The following GPHN variants were observed in gnomAD, a reference collection of about 807,000 sequenced individuals.
GPHN encodes the protein gephyrin.
A neutral mutation model predicts 95.5 loss-of-function variants in GPHN; 17 were observed. That is an observed-to-expected ratio of 0.18 (90% confidence interval 0.12 to 0.27). GPHN has a LOEUF of 0.27. Among genes scored for constraint, GPHN ranks in the 10% least tolerant of loss-of-function variants. The pLI is 1.00. For synonymous variants in GPHN, 320 were observed against 322.5 expected (o/e 0.99, Z 0.08); for missense variants, 660 against 978.1 (o/e 0.67, Z 4.34).
chr14:66,570,159 A>G (rs2060624659), intron 1 of GPHN, among the ~76,000 whole-genome samples: 1 of 152,056 alleles, frequency 6.6e-6, no homozygotes, highest in South Asian at 2.1e-4. Flanking sequence ...TCCAATGTAT[A>G]TGTATATACC....
At chr14:67,089,125 C>CTTTTTTTATTTTTTTTT in intron 12 of GPHN, 50 bp downstream of exon 12, 2 of 326,492 alleles carry the variant, frequency 6.1e-6, no homozygotes, top group South Asian at 2.9e-5. Flanking sequence ...ATTTTTTTTT[C>CTTTTTTTATTTTTTTTT]TTTTTTTCTT....
chr14:67,666,852 A>G, the GPHN span, among the ~76,000 whole-genome samples: 2 of 152,220 alleles, frequency 1.3e-5, no homozygotes, highest in East Asian at 3.8e-4. Context: ...TATACTGTAT[A>G]CAACTGAGGG....
chr14:66,552,662 C>T (rs369866813), intron 1 of GPHN, among the ~76,000 whole-genome samples: 3 of 152,208 alleles, frequency 2.0e-5, no homozygotes, highest in Admixed American at 6.5e-5. Context: ...TTATTCCACC[C>T]TCATTTCTGA....
chr14:67,620,718 G>T, the GPHN span, among the ~76,000 whole-genome samples: 1 of 152,234 alleles, frequency 6.6e-6, no homozygotes, highest in African/African-American at 2.4e-5. Flanking sequence ...AGCCTCTCCC[G>T]TCTTGGCTTG....
rs148334810 is a variant in GPHN at position 66,975,384 on chromosome 14, G to A, written c.963+10059G>A. On this transcript the variant is annotated intron_variant, in intron 9 of 22. Coordinates refer to ENST00000478722, the MANE Select transcript of GPHN (RefSeq NM_020806.5). ...TTTCTATATTTTACATTGACAGCAG[G>A]AATAGATCATTTTTATGTCTTCATG... Among the ~76,000 whole-genome samples, 315 of 152,258 alleles carry A rather than the reference G, an allele frequency of 2.1e-3. 1 individual carries two copies. The highest frequency in any genetic ancestry group is 2.9e-3 in the Non-Finnish European group (197 of 68,018).
At chr14:66,653,675 G>T (rs1377894501) in intron 1 of GPHN, among the ~76,000 whole-genome samples, 1 of 152,110 alleles carries the variant, frequency 6.6e-6, no homozygotes, top group Non-Finnish European at 1.5e-5. Flanking sequence ...TATATAAGTG[G>T]AATCACACCA....
intron 4 of GPHN, among the ~76,000 whole-genome samples, chr14:66,876,020 A>G (rs1159795123): frequency 6.6e-6 from 1 of 152,200 alleles, no homozygotes; most frequent in African/African-American, 2.4e-5. Flanking sequence ...ATTCCTCAGC[A>G]AATGCAAAAG....
At chr14:66,943,832 T>C (rs1269392826) in intron 8 of GPHN, among the ~76,000 whole-genome samples, 2 of 152,172 alleles carry the variant, frequency 1.3e-5, no homozygotes, top group Non-Finnish European at 1.5e-5. Flanking sequence ...GATTATTGGA[T>C]ATAGCCCTTT....
At chr14:67,176,041 C>G (rs569133854) in intron 21 of GPHN, among the ~76,000 whole-genome samples, 30 of 152,158 alleles carry the variant, frequency 2.0e-4, no homozygotes, top group Non-Finnish European at 3.1e-4. Context: ...ATTTGACTTC[C>G]TCTTTTCCTA....
chr14:67,564,092 G>A, the GPHN span, among the ~76,000 whole-genome samples: 1 of 151,656 alleles, frequency 6.6e-6, no homozygotes, highest in Non-Finnish European at 1.5e-5. Flanking sequence ...TAGTAGAGAC[G>A]GGGTTTCACC....
intron 9 of GPHN, among the ~76,000 whole-genome samples, chr14:67,002,309 C>CTTTTTTTTTTT (rs1177817698): frequency 1.1e-3 from 64 of 58,744 alleles, no homozygotes; most frequent in African/African-American, 1.2e-3. Context: ...CTTTGTGTTG[C>CTTTTTTTTTTT]TTTTTTTTTT....
intron 2 of GPHN, among the ~76,000 whole-genome samples, chr14:66,691,933 A>G (rs1234841205): frequency 2.6e-5 from 4 of 152,224 alleles, no homozygotes; most frequent in African/African-American, 9.6e-5. Context: ...TCCAAAAAAG[A>G]TAATAAAAGC....
the GPHN span, among the ~76,000 whole-genome samples, chr14:67,534,131 A>G: frequency 3.9e-5 from 6 of 152,224 alleles, no homozygotes; most frequent in African/African-American, 2.4e-5. Context: ...GAGAATTATC[A>G]GTTCCTTCAT....
the GPHN span, among the ~76,000 whole-genome samples, chr14:67,479,941 T>C: frequency 6.6e-6 from 1 of 152,154 alleles, no homozygotes; most frequent in Non-Finnish European, 1.5e-5. Flanking sequence ...CAGATGATCC[T>C]AACTGCCTGG....
chr14:67,579,136 G>C, the GPHN span: 26 of 1,602,824 alleles, frequency 1.6e-5, no homozygotes, highest in Non-Finnish European at 2.1e-5. Context: ...CTTTTTAGAA[G>C]TGAAACTGGC....
intron 12 of GPHN, among the ~76,000 whole-genome samples, chr14:67,097,051 G>A (rs1012790163): frequency 6.6e-5 from 10 of 152,056 alleles, no homozygotes; most frequent in Non-Finnish European, 1.3e-4. Context: ...ACATTCATTC[G>A]TCTGCCAACC....
At chr14:67,596,951 TC>T in the GPHN span, among the ~76,000 whole-genome samples, 2 of 152,256 alleles carry the variant, frequency 1.3e-5, no homozygotes, top group Admixed American at 6.5e-5. Flanking sequence ...TTGTACCACT[TC>T]AACTACTCAC....
chr14:67,410,381 G>C, the GPHN span, among the ~76,000 whole-genome samples: 1 of 152,114 alleles, frequency 6.6e-6, no homozygotes, highest in Admixed American at 6.6e-5. Context: ...CCCGTGCCCA[G>C]CTCTCACTCT....
the GPHN span, among the ~76,000 whole-genome samples, chr14:67,565,682 A>T: frequency 1.3e-5 from 2 of 152,184 alleles, no homozygotes; most frequent in African/African-American, 4.8e-5. Context: ...TAGCAGTACC[A>T]TGGGGGACAG....
Sources: gnomAD v4.1 joint callset for allele counts (sites outside exome capture counted in the v4.1 genomes callset) on GRCh38, gnomAD v4.1.1 for gene constraint, MANE v1.5 for transcripts, NCBI Gene and HGNC (gene_info 2026-07-23, HGNC 2026-07-21) for gene names.